The following EFCAB13 variants were observed in gnomAD, a reference collection of about 807,000 sequenced individuals.
EFCAB13 encodes EF-hand calcium binding domain 13.
In EFCAB13, 91 loss-of-function variants were observed where a neutral mutation model predicts 110.2. The observed-to-expected ratio is 0.83, with a 90% CI of 0.70 to 0.98. EFCAB13 has a LOEUF of 0.98. Among genes scored for constraint, EFCAB13 ranks in the 50% least tolerant of loss-of-function variants. EFCAB13 has a pLI of 0.00. For synonymous variants in EFCAB13, 323 were observed against 369.9 expected (o/e 0.87, Z 1.45); for missense variants, 968 against 1,119.4 (o/e 0.86, Z 1.93).
intron 15 of EFCAB13, 103 bp from the exon 16 acceptor site, chr17:47,393,922 T>C: frequency 1.0e-5 from 6 of 573,162 alleles, no homozygotes; most frequent in Non-Finnish European, 1.8e-5. Flanking sequence ...ACCTGATGGA[T>C]ATAATTATAT....
intron 24 of EFCAB13, among the ~76,000 whole-genome samples, chr17:47,434,849 GA>G (rs1407287883): frequency 2.6e-5 from 4 of 152,064 alleles, no homozygotes; most frequent in Non-Finnish European, 5.9e-5. Context: ...GTAGAAACAC[GA>G]AACTGTATCC....
chr17:47,351,163 C>G (rs1296635410), intron 9 of EFCAB13, among the ~76,000 whole-genome samples: 1 of 152,034 alleles, frequency 6.6e-6, no homozygotes, highest in East Asian at 1.9e-4. Flanking sequence ...CTATAAATGG[C>G]TTTCATTATC....
At position 47,434,342 on chromosome 17, in the gene EFCAB13, A is replaced by G. The variant is rs1165626337; in HGVS notation, c.2638+4381A>G. On this transcript the variant is annotated intron_variant, in intron 24 of 24. Transcript: ENST00000331493. ...AAAAAAAATAAATAAATACTTAGGA[A>G]TATACTGAACCAAGGAGGTGAAAGA... Among the ~76,000 whole-genome samples the G allele has an allele frequency of 8.5e-5, 13 of 152,272 alleles. 1 individual carries two copies. The Middle Eastern group carries it at 0.017, about 199-fold the overall frequency.
At chr17:47,427,007 A>G (rs1462470147) in intron 23 of EFCAB13, among the ~76,000 whole-genome samples, 5 of 152,174 alleles carry the variant, frequency 3.3e-5, no homozygotes, top group African/African-American at 1.2e-4. Flanking sequence ...CTGGAAAATT[A>G]GATAGATTCT....
chr17:47,339,941 C>A (rs1467975541), intron 5 of EFCAB13: 2 of 152,010 alleles, frequency 1.3e-5, no homozygotes, highest in South Asian at 2.1e-4. Flanking sequence ...GATAAGGAAA[C>A]TATTAATAAA....
At chr17:47,440,306 G>A (rs1460360620) in intron 24 of EFCAB13, 125 bp from the exon 25 acceptor site, 1 of 940,028 alleles carries the variant, frequency 1.1e-6, no homozygotes, top group Non-Finnish European at 1.5e-6. Context: ...TAAGGGAGAA[G>A]AAATAGCCCA....
rs1197336264 is a variant in EFCAB13, at chr17:47,374,853, T to A, written c.1259T>A (p.Leu420Gln). 1.2e-6 allele frequency: 2 copies of A among 1,613,680 alleles called. No individual in the cohort carries two copies. Among genetic ancestry groups the A allele is most frequent in the Non-Finnish European group, 1.7e-6 (2 of 1,179,896 alleles). Residue 420 changes from leucine to glutamine, a missense_variant, in exon 12 of 25, where the codon CTG (leucine) becomes CAG (glutamine). Leu to Gln is a moderately radical substitution (Grantham distance 113). Coordinates refer to ENST00000331493, the MANE Select transcript of EFCAB13 (RefSeq NM_152347.5). ...LKSSTSLSKS[L>Q]DKSDISSIPK... ...AGTAGTACAAGCCTCAGTAAGTCTC[T>A]GGATAAAAGTGATATTTCTAGTATC...
At chr17:47,409,065 G>A (rs1466278916) in intron 20 of EFCAB13, among the ~76,000 whole-genome samples, 1 of 152,114 alleles carries the variant, frequency 6.6e-6, no homozygotes, top group Non-Finnish European at 1.5e-5. Flanking sequence ...ACCTGGGCTA[G>A]CTGTGAGTTA....
At chr17:47,411,371 C>T (rs1598756666) in intron 21 of EFCAB13, among the ~76,000 whole-genome samples, 1 of 152,170 alleles carries the variant, frequency 6.6e-6, no homozygotes, top group East Asian at 1.9e-4. Context: ...ATTTCCCCCC[C>T]AAACTCAGTT....
intron 2 of EFCAB13, among the ~76,000 whole-genome samples, chr17:47,325,921 AAAATAT>A (rs1374420287): frequency 9.6e-5 from 6 of 62,454 alleles, no homozygotes; most frequent in African/African-American, 3.9e-4. Context: ...ATATATAAAC[AAAATAT>A]ATATATATAT....
At chr17:47,338,243 G>GTTT (rs11334311) in intron 5 of EFCAB13, among the ~76,000 whole-genome samples, 3 of 137,794 alleles carry the variant, frequency 2.2e-5, no homozygotes, top group Non-Finnish European at 1.6e-5. Flanking sequence ...GTCACTACTA[G>GTTT]TTTTTTTTTT....
chr17:47,417,221 G>A (rs1425050076), intron 23 of EFCAB13, among the ~76,000 whole-genome samples: 1 of 152,224 alleles, frequency 6.6e-6, no homozygotes, highest in African/African-American at 2.4e-5. Flanking sequence ...TTCAAGTTGA[G>A]TAGGAAGAGG....
intron 20 of EFCAB13, among the ~76,000 whole-genome samples, chr17:47,407,680 A>G (rs7501838): frequency 0.088 from 13,383 of 152,230 alleles, 844 homozygotes; most frequent in East Asian, 0.35. Flanking sequence ...TTTGTTGAAG[A>G]TGAGTTGATT....
intron 23 of EFCAB13, among the ~76,000 whole-genome samples, chr17:47,427,537 A>T (rs190602555): frequency 1.3e-5 from 2 of 152,186 alleles, no homozygotes; most frequent in African/African-American, 4.8e-5. Context: ...GAGAACCTTA[A>T]TGCTCCAAAG....
intron 10 of EFCAB13, among the ~76,000 whole-genome samples, chr17:47,369,417 A>G (rs1418026270): frequency 6.6e-6 from 1 of 152,218 alleles, no homozygotes; most frequent in African/African-American, 2.4e-5. Flanking sequence ...AGGATGTTCA[A>G]CATCACTTTA....
intron 11 of EFCAB13, among the ~76,000 whole-genome samples, chr17:47,372,282 A>G (rs764630936): frequency 6.6e-6 from 1 of 152,172 alleles, no homozygotes; most frequent in Non-Finnish European, 1.5e-5. Context: ...AGCTTACAAA[A>G]TATCTTGTAG....
At position 47,391,571 on chromosome 17, in the gene EFCAB13, G is replaced by A; in HGVS notation, c.1717G>A (p.Glu573Lys). Reference protein sequence around the residue: ...PEFKKITELTEAGETKKVNFK... With the variant: ...PEFKKITELTKAGETKKVNFK... ...ATTTAAGAAGATCACAGAACTGACT[G>A]AAGCTGGTGGTGAGTGATATATTTT... The change falls in exon 15 of 25, where the codon GAA (glutamate) becomes AAA (lysine). Residue 573 changes from glutamate to lysine, a missense_variant. Glu to Lys is a moderately conservative substitution (Grantham distance 56). Transcript: ENST00000331493. 5 of 1,571,992 alleles carry A rather than the reference G, an allele frequency of 3.2e-6. No individual in the cohort carries two copies. Among genetic ancestry groups the A allele is most frequent in the Non-Finnish European group, 3.4e-6 (4 of 1,164,230 alleles).
chr17:47,347,905 A>G lies in EFCAB13; in HGVS notation c.615A>G (p.Ile205Met). 6.5e-7 allele frequency: 1 copy of G among 1,541,910 alleles called. No homozygotes were observed. The highest frequency in any genetic ancestry group is 8.8e-7 in the Non-Finnish European group (1 of 1,132,910). Residue 205 changes from isoleucine to methionine, a missense_variant, in exon 9 of 25, where the codon ATA becomes ATG. Physicochemically the swap from Ile to Met is conservative, Grantham distance 10. Transcript: ENST00000331493. ...TCCTTTGCATCTTGAGAATTTCTAT[A>G]AGTGATTTAGAAATGCGACAGGCAC... is the stretch of plus-strand genomic sequence containing the variant. Reference protein sequence around the residue: ...PVILCILRISISDLEMRQALK... With the variant: ...PVILCILRISMSDLEMRQALK...
intron 15 of EFCAB13, among the ~76,000 whole-genome samples, chr17:47,392,440 G>A (rs185622226): frequency 6.6e-6 from 1 of 152,174 alleles, no homozygotes; most frequent in Non-Finnish European, 1.5e-5. Flanking sequence ...GAACATTTGT[G>A]GAGATATGTG....
Sources: gnomAD v4.1 joint callset for allele counts (sites outside exome capture counted in the v4.1 genomes callset) on GRCh38, gnomAD v4.1.1 for gene constraint, MANE v1.5 for transcripts, NCBI Gene and HGNC (gene_info 2026-07-23, HGNC 2026-07-21) for gene names.